Variants in PLEKHH2 observed in about 807,000 individuals in gnomAD.
PLEKHH2 encodes the protein pleckstrin homology, MyTH4 and FERM domain containing H2, also known as pleckstrin homology domain-containing family H member 2.
In PLEKHH2, 129 loss-of-function variants were observed where a neutral mutation model predicts 187.9. The observed-to-expected ratio is 0.69, with a 90% CI of 0.59 to 0.79. The LOEUF (loss-of-function observed/expected upper bound fraction) is 0.79. PLEKHH2 is among the 30% of genes least tolerant of loss of function. The probability of loss-of-function intolerance (pLI) is 0.00; values close to 1 mark genes in which losing one functional copy is unlikely to be tolerated. For missense variants in PLEKHH2, 2,076 were observed against 1,751.2 expected (o/e 1.19, Z -3.31); for synonymous variants, 686 against 605.6 (o/e 1.13, Z -1.95).
Position 43,660,686 on chromosome 2 carries a change from T to C in PLEKHH2, c.123+15890T>C, listed in dbSNP as rs1489780780. ...TTCCTGTGACCATGTGATCTCATTG[T>C]TCAATTCCCACCTATGAGTGAGAAT... On this transcript the variant is annotated intron_variant, in intron 2 of 29. Transcript: ENST00000282406. Among the ~76,000 whole-genome samples the C allele has an allele frequency of 4.4e-3, 566 of 128,432 alleles. 9 individuals carry two copies. Among genetic ancestry groups the C allele is most frequent in the African/African-American group, 0.017 (540 of 31,762 alleles). 84.3% of individuals were successfully genotyped at this position (128,432 alleles called of 152,430 possible).
intron 3 of PLEKHH2, among the ~76,000 whole-genome samples, chr2:43,691,991 C>A (rs756888445): frequency 7.2e-5 from 11 of 152,152 alleles, no homozygotes; most frequent in Non-Finnish European, 1.3e-4. Context: ...TATCTAGACT[C>A]TAATACATTT....
chr2:43,766,044 A>G lies in PLEKHH2; in HGVS notation c.*446A>G, dbSNP rs1672609341. On this transcript the variant is annotated 3_prime_UTR_variant, in exon 30 of 30. Coordinates refer to ENST00000282406, the MANE Select transcript of PLEKHH2 (RefSeq NM_172069.4). ...CTATAACTAAATGCGCTTTTAATTA[A>G]TGATATAGTGTTTGGAAAGGAGTAG... 1.9e-5 allele frequency: 3 copies of G among 156,180 alleles called. No homozygotes were observed. Among genetic ancestry groups the G allele is most frequent in the East Asian group, 1.9e-4 (1 of 5,380 alleles). The allele number at this position is 156,180 out of a possible 1,614,324, so 9.7% of individuals were successfully genotyped here. A position where few individuals can be genotyped will look rare whatever the true frequency, so the allele number is the denominator to read the frequency against.
At chr2:43,694,555 T>A in intron 5 of PLEKHH2, 41 bp downstream of exon 5, 4 of 1,483,222 alleles carry the variant, frequency 2.7e-6, no homozygotes, top group Non-Finnish European at 3.6e-6. Flanking sequence ...TACCTTTTAC[T>A]TCTTTTGAAT....
chr2:43,730,074 C>G (rs564826749), intron 18 of PLEKHH2, among the ~76,000 whole-genome samples: 46 of 152,262 alleles, frequency 3.0e-4, no homozygotes, highest in Non-Finnish European at 4.3e-4. Flanking sequence ...CCCTCTGCAG[C>G]TCAGCATCTG....
At chr2:43,722,530 T>G (rs1250178065) in intron 16 of PLEKHH2, among the ~76,000 whole-genome samples, 2 of 152,074 alleles carry the variant, frequency 1.3e-5, no homozygotes, top group Admixed American at 1.3e-4. Flanking sequence ...TTCTACCCTC[T>G]CCTTCTAAAC....
At chr2:43,749,226 C>T (rs1298462883) in intron 24 of PLEKHH2, among the ~76,000 whole-genome samples, 2 of 152,122 alleles carry the variant, frequency 1.3e-5, no homozygotes, top group Admixed American at 6.5e-5. Flanking sequence ...CAAAGAGAGT[C>T]GTGAATAAAA....
intron 2 of PLEKHH2, among the ~76,000 whole-genome samples, chr2:43,678,555 C>T (rs1314915398): frequency 4.6e-5 from 7 of 152,152 alleles, no homozygotes; most frequent in Admixed American, 1.3e-4. Context: ...CAAAAAAATA[C>T]GAAAACCAGT....
chr2:43,680,031 A>C (rs1668088848), intron 3 of PLEKHH2, among the ~76,000 whole-genome samples: 1 of 152,062 alleles, frequency 6.6e-6, no homozygotes, highest in Admixed American at 6.6e-5. Context: ...TTCCAGCATT[A>C]AAATGAGCAG....
Position 43,753,749 on chromosome 2 carries a change from C to G in PLEKHH2, c.3784C>G (p.Leu1262Val), listed in dbSNP as rs1022114304. The G allele has an allele frequency of 1.3e-6, 2 of 1,571,502 alleles. No individual in the cohort carries two copies. Among genetic ancestry groups the G allele is most frequent in the East Asian group, 2.3e-5 (1 of 43,368 alleles). ...NKDLALEMAA[L>V]LSQVEIGDFE... is the part of the protein sequence containing the mutation. ...AGATCTGGCATTAGAAATGGCAGCTCTTTTATCTCAGGTAACTTCCATGTT... is the reference window on the plus strand; with the variant it reads ...AGATCTGGCATTAGAAATGGCAGCTGTTTTATCTCAGGTAACTTCCATGTT... The change falls in exon 25 of 30, where the codon CTT becomes GTT. Residue 1262 changes from leucine (L) to valine (V), a missense_variant. By Grantham distance (32) the Leu-to-Val change is conservative. Transcript: ENST00000282406.
At chr2:43,703,768 T>A (rs1025761154) in intron 8 of PLEKHH2, among the ~76,000 whole-genome samples, 26 of 152,156 alleles carry the variant, frequency 1.7e-4, no homozygotes, top group African/African-American at 6.3e-4. Flanking sequence ...AGATAAATAA[T>A]GGAAAAACTA....
At chr2:43,666,937 A>G (rs1444460063) in intron 2 of PLEKHH2, among the ~76,000 whole-genome samples, 1 of 152,168 alleles carries the variant, frequency 6.6e-6, no homozygotes, top group African/African-American at 2.4e-5. Context: ...AGTAATAGTA[A>G]TAATAGCTTA....
chr2:43,750,156 CAA>C (rs1056896130), intron 24 of PLEKHH2, among the ~76,000 whole-genome samples: 13 of 151,906 alleles, frequency 8.6e-5, no homozygotes, highest in African/African-American at 3.1e-4. Context: ...ATGTTCACAC[CAA>C]AAAAAATTCC....
At chr2:43,722,463 G>C (rs931719429) in intron 16 of PLEKHH2, among the ~76,000 whole-genome samples, 1 of 152,130 alleles carries the variant, frequency 6.6e-6, no homozygotes, top group African/African-American at 2.4e-5. Flanking sequence ...GGAAGCTTCA[G>C]TGAATCTTAC....
At position 43,700,049 on chromosome 2, in the gene PLEKHH2, A is replaced by G. The variant is rs756246537; in HGVS notation, c.1091A>G (p.Asn364Ser). The change falls in exon 8 of 30, where the codon AAT becomes AGT. Residue 364 changes from asparagine (N) to serine (S), a missense_variant. Transcript: ENST00000282406. Reference protein sequence around the residue: ...WQQEAQWKALNSPLGKGNSEL... With the variant: ...WQQEAQWKALSSPLGKGNSEL... ...CAGGAGGCACAGTGGAAAGCTCTAA[A>G]TAGTCCTCTTGGAAAGGGAAATTCT... 15 of 1,614,192 alleles carry G rather than the reference A, an allele frequency of 9.3e-6. No homozygotes were observed. Among genetic ancestry groups the G allele is most frequent in the East Asian group, 2.2e-5 (1 of 44,888 alleles).
At chr2:43,714,665 A>G (rs1023437536) in intron 15 of PLEKHH2, among the ~76,000 whole-genome samples, 1 of 152,178 alleles carries the variant, frequency 6.6e-6, no homozygotes, top group African/African-American at 2.4e-5. Context: ...AATGCTTAGG[A>G]AAAACATTTT....
At chr2:43,756,639 A>AT (rs1672220886) in intron 25 of PLEKHH2, among the ~76,000 whole-genome samples, 1 of 152,154 alleles carries the variant, frequency 6.6e-6, no homozygotes, top group Non-Finnish European at 1.5e-5. Flanking sequence ...TAAATTACAG[A>AT]TTTTTTTCAA....
intron 18 of PLEKHH2, among the ~76,000 whole-genome samples, chr2:43,731,094 G>A (rs1051747381): frequency 6.6e-6 from 1 of 152,124 alleles, no homozygotes; most frequent in Non-Finnish European, 1.5e-5. Context: ...GGATGCAAAG[G>A]CATAAGAATG....
At chr2:43,750,139 C>T (rs983185677) in intron 24 of PLEKHH2, among the ~76,000 whole-genome samples, 5 of 152,148 alleles carry the variant, frequency 3.3e-5, no homozygotes, top group Non-Finnish European at 5.9e-5. Context: ...TCCCATTTCT[C>T]CTAGCTATGT....
chr2:43,723,996 G>A (rs1670616621), intron 16 of PLEKHH2, among the ~76,000 whole-genome samples: 1 of 152,192 alleles, frequency 6.6e-6, no homozygotes, highest in Non-Finnish European at 1.5e-5. Context: ...TTGTTGACAG[G>A]ATTTATTGAC....
Sources: allele counts gnomAD v4.1 joint callset (sites outside exome capture counted in the v4.1 genomes callset), GRCh38; gene constraint gnomAD v4.1.1; transcripts MANE v1.5; gene names NCBI Gene and HGNC (gene_info 2026-07-23, HGNC 2026-07-21).